Variants in PLCB3 observed in about 807,000 individuals in gnomAD.
PLCB3 encodes phospholipase C beta 3, also known as 1-phosphatidylinositol 4,5-bisphosphate phosphodiesterase beta-3.
A neutral mutation model predicts 152.1 loss-of-function variants in PLCB3; 54 were observed. The observed-to-expected ratio is 0.36, with a 90% CI of 0.29 to 0.45. The LOEUF (loss-of-function observed/expected upper bound fraction) is 0.45, where lower values mean the gene tolerates loss of function less well. Among genes scored for constraint, PLCB3 ranks in the 20% least tolerant of loss-of-function variants. The pLI, the probability that PLCB3 is intolerant of heterozygous loss-of-function variation, is 1.00. For synonymous variants in PLCB3, 717 were observed against 698.7 expected, an observed-to-expected ratio of 1.03 and a Z score of -0.41; for missense variants, 1,248 against 1,687.5, an observed-to-expected ratio of 0.74 and a Z score of 4.56.
At chr11:64,254,629 G>C in intron 2 of PLCB3, 119 bp from the exon 3 acceptor site, 1 of 1,370,142 alleles carries the variant, frequency 7.3e-7, no homozygotes, top group Non-Finnish European at 1.0e-6. Flanking sequence ...CAGGGCAGGA[G>C]CTGAGGCTGG....
rs757194151 is a variant in PLCB3, at chr11:64,255,297, A to C, written c.451A>C (p.Thr151Pro). ...CCTGGCTCAGAACGCCTCCCGGAAC[A>C]CCTTCCTGCGCAAAGCGTGAGCCCC... ...NILAQNASRN[T>P]FLRKAYTKLK... The change falls in exon 5 of 31, where the codon ACC becomes CCC. Residue 151 changes from threonine (T) to proline (P), a missense_variant. Coordinates refer to ENST00000279230, the MANE Select transcript of PLCB3 (RefSeq NM_000932.5). This position sits in a 1 kb window ranked among gnomAD's most constrained non-coding sequence, Gnocchi z 6.8. 6.2e-7 allele frequency: 1 copy of C among 1,613,816 alleles called. No homozygotes were observed. Among genetic ancestry groups the C allele is most frequent in the Non-Finnish European group, 8.5e-7 (1 of 1,179,978 alleles).
chr11:64,256,528 A>G lies in PLCB3; in HGVS notation c.851A>G (p.Gln284Arg), dbSNP rs765971013. 1 of 1,613,814 alleles carries G rather than the reference A, an allele frequency of 6.2e-7. No individual in the cohort carries two copies. The change falls in exon 9 of 31, where the codon CAG (glutamine) becomes CGG (arginine). Residue 284 changes from glutamine to arginine, a missense_variant. Gln to Arg is a conservative substitution (Grantham distance 43). Around this residue, in one of 6 missense-constraint regions of PLCB3, gnomAD observed 299 missense variants for 434.7 expected, o/e 0.69. Transcript: ENST00000279230. Reference sequence around the variant, plus strand: ...ATCGAAAAGTATGAGCCCAACCAGCAGTTTCTGGAGCGAGGTGAGCTGGCT... The same window carrying G: ...ATCGAAAAGTATGAGCCCAACCAGCGGTTTCTGGAGCGAGGTGAGCTGGCT... ...LLIEKYEPNQ[Q>R]FLERDQMSME...
chr11:64,257,069 A>G (rs184275945), intron 10 of PLCB3, among the ~76,000 whole-genome samples: 1 of 138,668 alleles, frequency 7.2e-6, no homozygotes, highest in Non-Finnish European at 1.5e-5. Flanking sequence ...CAATGGCACG[A>G]TCTAGGCTCA....
At position 64,267,124 on chromosome 11, in the gene PLCB3, G is replaced by A. The variant is rs79682849; in HGVS notation, c.3415-61G>A. 2.7e-6 allele frequency: 4 copies of A among 1,460,040 alleles called. No individual in the cohort carries two copies. In the East Asian group the frequency reaches 7.4e-5, roughly 27 times the overall value. 90.4% of individuals were successfully genotyped at this position (1,460,040 alleles called of 1,614,324 possible). ...CACCTGACTTCTATACCCAGCCAGAGCCTCGAGGCTCTAGCCCCTCCCTCA... is the reference window on the plus strand; with the variant it reads ...CACCTGACTTCTATACCCAGCCAGAACCTCGAGGCTCTAGCCCCTCCCTCA... On this transcript the variant is annotated intron_variant, in intron 29 of 30. Transcript: ENST00000279230. This position sits in a 1 kb window ranked among gnomAD's most constrained non-coding sequence, Gnocchi z 5.2.
chr11:64,262,600 G>C, intron 18 of PLCB3, 39 bp downstream of exon 18: 4 of 1,612,462 alleles, frequency 2.5e-6, no homozygotes, highest in Non-Finnish European at 2.5e-6. Flanking sequence ...GGTGTCCTGG[G>C]GGCAGGACTC....
chr11:64,257,564 G>A (rs1335404044), intron 10 of PLCB3, among the ~76,000 whole-genome samples: 1 of 151,896 alleles, frequency 6.6e-6, no homozygotes, highest in Non-Finnish European at 1.5e-5. Context: ...GCAGGAGTAA[G>A]CTGTGATTGC....
chr11:64,264,951 G>A lies in PLCB3; in HGVS notation c.2653G>A (p.Ala885Thr), dbSNP rs541577872. 1 of 1,613,118 alleles carries A rather than the reference G, an allele frequency of 6.2e-7. No individual in the cohort carries two copies. Among genetic ancestry groups the A allele is most frequent in the African/African-American group, 1.3e-5 (1 of 74,976 alleles). ...AGAGCATTCTCCTTTCTCCCTATAG[G>A]CTCAGGCTGGCCAAGAGACGTGCCA... ...QLAALIGESE[A>T]QAGQETCQDT... Residue 885 changes from alanine to threonine, a missense_variant and splice_region_variant, in exon 23 of 31, where the codon GCT (alanine) becomes ACT (threonine). Around this residue, in one of 6 missense-constraint regions of PLCB3, gnomAD observed 477 missense variants for 489.6 expected, o/e 0.97. Transcript: ENST00000279230.
intron 10 of PLCB3, among the ~76,000 whole-genome samples, chr11:64,257,611 C>A (rs1266156825): frequency 2.6e-5 from 4 of 151,114 alleles, no homozygotes; most frequent in Non-Finnish European, 2.9e-5. Context: ...GAGTGAGAGA[C>A]CCTTTTCTAA....
chr11:64,266,191 G>A lies in PLCB3; in HGVS notation c.3255G>A (p.Glu1085=). ...CAACTCAGTTCAAGAGGCTGAAAGAGATGAACGAGAGGTGAAAGCCGAGGA... is the reference window on the plus strand; with the variant it reads ...CAACTCAGTTCAAGAGGCTGAAAGAAATGAACGAGAGGTGAAAGCCGAGGA... ...ANTTQFKRLK[E]MNEREKKELQ... Residue 1085 remains glutamate, a synonymous_variant, in exon 27 of 31, where the codon GAG becomes GAA. Transcript: ENST00000279230. This position sits in a 1 kb window ranked among gnomAD's most constrained non-coding sequence, Gnocchi z 4.9. 1 of 1,614,140 alleles carries A rather than the reference G, an allele frequency of 6.2e-7. No homozygotes were observed. Among genetic ancestry groups the A allele is most frequent in the East Asian group, 2.2e-5 (1 of 44,886 alleles).
chr11:64,261,949 C>CA lies in PLCB3; in HGVS notation c.1914-2dup. The CA allele has an allele frequency of 6.2e-7, 1 of 1,614,108 alleles. No individual in the cohort carries two copies. The highest frequency in any genetic ancestry group is 8.5e-7 in the Non-Finnish European group (1 of 1,179,974). On this transcript the variant is annotated splice_region_variant and splice_polypyrimidine_tract_variant and intron_variant, in intron 16 of 30. Coordinates refer to ENST00000279230, the MANE Select transcript of PLCB3 (RefSeq NM_000932.5). ...CTGTGTGGCCCCTGACCACCAATCT[C>CA]AGATACAACAAGCAGCAGCTCAGCC... is the stretch of plus-strand genomic sequence containing the variant.
intron 1 of PLCB3, among the ~76,000 whole-genome samples, chr11:64,252,093 C>A (rs1249661317): frequency 6.6e-6 from 1 of 152,152 alleles, no homozygotes; most frequent in Admixed American, 6.5e-5. Flanking sequence ...CCCTGCCCAG[C>A]ACTAGACTCC....
At position 64,267,610 on chromosome 11, in the gene PLCB3, G is replaced by A. The variant is rs1312709663; in HGVS notation, c.*54G>A. The A allele has an allele frequency of 3.1e-6, 4 of 1,278,750 alleles. No homozygotes were observed. Among genetic ancestry groups the A allele is most frequent in the Non-Finnish European group, 3.2e-6 (3 of 930,176 alleles). 79.2% of individuals were successfully genotyped at this position (1,278,750 alleles called of 1,614,324 possible). On this transcript the variant is annotated 3_prime_UTR_variant, in exon 31 of 31. Transcript: ENST00000279230. The surrounding 1 kb of genome is among the most constrained non-coding windows in gnomAD (Gnocchi z 5.2). ...AGGGCGGGCGCTGGGTGGAGGGCAG[G>A]AGGCAATGACACTAATGCTTTTTTT...
chr11:64,269,206 G>A (rs949978622), downstream of PLCB3: 4 of 152,518 alleles, frequency 2.6e-5, no homozygotes, highest in Non-Finnish European at 4.4e-5. Context: ...CTTGCGCCGG[G>A]GGGGATGACC....
At chr11:64,259,304 G>A in intron 13 of PLCB3, 60 bp downstream of exon 13, 1 of 1,333,364 alleles carries the variant, frequency 7.5e-7, no homozygotes, top group Non-Finnish European at 1.0e-6. Context: ...TCATGCTCCA[G>A]GCGCCGTGAC....
intron 14 of PLCB3, 107 bp downstream of exon 14, chr11:64,260,341 C>T (rs982831366): frequency 2.6e-6 from 2 of 764,618 alleles, no homozygotes; most frequent in Non-Finnish European, 4.4e-6. Context: ...TCCTGGGGCT[C>T]AGTGTGGGTG....
chr11:64,267,274 G>A lies in PLCB3; in HGVS notation c.3501+3G>A. 6.4e-7 allele frequency: 1 copy of A among 1,550,876 alleles called. No individual in the cohort carries two copies. The highest frequency in any genetic ancestry group is 8.7e-7 in the Non-Finnish European group (1 of 1,146,852). On this transcript the variant is annotated splice_donor_region_variant and intron_variant, in intron 30 of 30. Transcript: ENST00000279230. This position sits in a 1 kb window ranked among gnomAD's most constrained non-coding sequence, Gnocchi z 5.2. ...AGCTGGCAGAAGAGGAGCCCAAGGT[G>A]AGGCCATGGGCGAACAGGTGGGCAG... is the stretch of plus-strand genomic sequence containing the variant.
chr11:64,259,508 C>T (rs543460554), intron 13 of PLCB3, among the ~76,000 whole-genome samples: 1 of 152,242 alleles, frequency 6.6e-6, no homozygotes, highest in African/African-American at 2.4e-5. Flanking sequence ...TCCCACAACC[C>T]GGTGATGGCT....
downstream of PLCB3, chr11:64,268,989 T>G (rs2032287451): frequency 6.6e-6 from 1 of 152,320 alleles, no homozygotes; most frequent in Non-Finnish European, 1.5e-5. Flanking sequence ...CCCCCAGTTC[T>G]GCTCACTCCA....
Position 64,265,044 on chromosome 11 carries a change from TC to T in PLCB3, c.2752del (p.Arg918AlafsTer95). On this transcript the variant is annotated frameshift_variant, in exon 23 of 31. Coordinates refer to ENST00000279230, the MANE Select transcript of PLCB3 (RefSeq NM_000932.5). LOFTEE classifies it high-confidence loss of function. ...SNPTPSPLDASPRRPPGPTTS... is the reference protein window; with the variant it reads ...SNPTPSPLDAXPRRPPGPTTS... ...CCCCACCCCCAGCCCACTGGATGCCTCCCCCCGCCGGCCCCCTGGCCCCACC... is the reference window on the plus strand; with the variant it reads ...CCCCACCCCCAGCCCACTGGATGCCTCCCCCGCCGGCCCCCTGGCCCCACC... The T allele has an allele frequency of 2.3e-6, 2 of 884,292 alleles. No homozygotes were observed. Among genetic ancestry groups the T allele is most frequent in the Admixed American group, 3.7e-5 (1 of 26,762 alleles). 54.8% of individuals were successfully genotyped at this position (884,292 alleles called of 1,614,324 possible). A position where few individuals can be genotyped will look rare whatever the true frequency, so the allele number is the denominator to read the frequency against.
Sources: gnomAD v4.1 joint callset for allele counts (sites outside exome capture counted in the v4.1 genomes callset) on GRCh38, gnomAD v4.1.1 for gene constraint, gnomAD v4.1.1 regional missense constraint, Gnocchi (gnomAD v3.1) non-coding constraint, MANE v1.5 for transcripts, NCBI Gene and HGNC (gene_info 2026-07-23, HGNC 2026-07-21) for gene names.